The following CWC27 variants were observed in gnomAD, a reference collection of about 807,000 sequenced individuals.
The protein encoded by CWC27 is CWC27 spliceosome associated cyclophilin.
In CWC27, 47 loss-of-function variants were observed where a neutral mutation model predicts 63.6. The ratio of observed to expected loss-of-function variants is 0.74; its 90% CI spans 0.58 to 0.94. The LOEUF (loss-of-function observed/expected upper bound fraction) is 0.94, where lower values mean the gene tolerates loss of function less well. CWC27 is among the 40% of genes least tolerant of loss of function. The pLI, the probability that CWC27 is intolerant of heterozygous loss-of-function variation, is 0.00. For missense variants in CWC27, 495 were observed against 554.3 expected (o/e 0.89, Z 1.07); for synonymous variants, 175 against 179.8 (o/e 0.97, Z 0.22).
At chr5:64,843,123 G>A (rs903214053) in intron 10 of CWC27, among the ~76,000 whole-genome samples, 1 of 152,166 alleles carries the variant, frequency 6.6e-6, no homozygotes, top group Admixed American at 6.5e-5. Context: ...AAAAGCCTCA[G>A]TCCACTGGTT....
intron 10 of CWC27, among the ~76,000 whole-genome samples, chr5:64,818,763 C>T (rs1745115143): frequency 6.6e-6 from 1 of 152,050 alleles, no homozygotes; most frequent in Admixed American, 6.6e-5. Flanking sequence ...GGAGAATAGC[C>T]CAGAAATCAA....
At chr5:64,945,146 A>G (rs1260189265) in intron 11 of CWC27, among the ~76,000 whole-genome samples, 1 of 151,996 alleles carries the variant, frequency 6.6e-6, no homozygotes, top group Non-Finnish European at 1.5e-5. Flanking sequence ...CCTCTCAGGT[A>G]TTTTCCCAAA....
intron 3 of CWC27, 106 bp downstream of exon 3, chr5:64,782,139 A>T (rs2011079): frequency 1.7e-6 from 1 of 586,268 alleles, no homozygotes; most frequent in Non-Finnish European, 2.9e-6. Context: ...AGAGGAAAAA[A>T]CGTTTCACAT....
chr5:64,844,916 C>A (rs1187099313), intron 10 of CWC27: 1 of 456,614 alleles, frequency 2.2e-6, no homozygotes, highest in African/African-American at 2.0e-5. Flanking sequence ...TATTTCTCCT[C>A]TCCCAGGAAA....
intron 13 of CWC27, among the ~76,000 whole-genome samples, chr5:65,012,087 C>A (rs1749971040): frequency 6.6e-6 from 1 of 152,128 alleles, no homozygotes; most frequent in African/African-American, 2.4e-5. Context: ...AACCTGGATT[C>A]ATGTCTTTTT....
intron 11 of CWC27, among the ~76,000 whole-genome samples, chr5:64,923,101 G>A (rs1279347804): frequency 6.6e-6 from 1 of 152,170 alleles, no homozygotes; most frequent in Non-Finnish European, 1.5e-5. Context: ...TGCAGCAGGG[G>A]TGCAAATGTA....
intron 10 of CWC27, among the ~76,000 whole-genome samples, chr5:64,883,206 T>C (rs1339676192): frequency 1.3e-5 from 2 of 152,188 alleles, no homozygotes; most frequent in Non-Finnish European, 1.5e-5. Context: ...ACTGCCACCA[T>C]GATCCAATCA....
At chr5:64,997,868 C>T (rs1221047471) in intron 13 of CWC27, among the ~76,000 whole-genome samples, 1 of 152,098 alleles carries the variant, frequency 6.6e-6, no homozygotes, top group Non-Finnish European at 1.5e-5. Context: ...ATTCCTCTCT[C>T]TTAGCCAAGT....
intron 11 of CWC27, among the ~76,000 whole-genome samples, chr5:64,928,954 T>G (rs1001890791): frequency 6.6e-6 from 1 of 151,568 alleles, no homozygotes; most frequent in Non-Finnish European, 1.5e-5. Flanking sequence ...CTTTTCTCAG[T>G]AGGCTTTGTC....
At chr5:64,889,679 A>C (rs1747176289) in intron 11 of CWC27, among the ~76,000 whole-genome samples, 1 of 152,228 alleles carries the variant, frequency 6.6e-6, no homozygotes, top group South Asian at 2.1e-4. Flanking sequence ...TAATCCCAGC[A>C]CTTTGGGATT....
chr5:64,826,076 A>AATAT (rs1554070976), intron 10 of CWC27, among the ~76,000 whole-genome samples: 5 of 148,314 alleles, frequency 3.4e-5, no homozygotes, highest in African/African-American at 1.3e-4. Context: ...CTTTGTAATA[A>AATAT]ATCTATCTAT....
At chr5:64,911,540 C>T (rs1747785960) in intron 11 of CWC27, among the ~76,000 whole-genome samples, 1 of 152,102 alleles carries the variant, frequency 6.6e-6, no homozygotes, top group Non-Finnish European at 1.5e-5. Flanking sequence ...AATTTCAAGG[C>T]TAAGGGCCAG....
chr5:64,772,068 G>A (rs1743276394), intron 1 of CWC27, among the ~76,000 whole-genome samples: 1 of 152,142 alleles, frequency 6.6e-6, no homozygotes, highest in Admixed American at 6.5e-5. Flanking sequence ...TTTAGATTAG[G>A]AAATTAAGTG....
chr5:64,875,918 G>A (rs1422687846), intron 10 of CWC27, among the ~76,000 whole-genome samples: 1 of 152,040 alleles, frequency 6.6e-6, no homozygotes, highest in Admixed American at 6.5e-5. Context: ...CAAGTACTAT[G>A]CTAAGTATGC....
chr5:64,984,208 T>C (rs182643357), intron 13 of CWC27, among the ~76,000 whole-genome samples: 1 of 152,206 alleles, frequency 6.6e-6, no homozygotes, highest in African/African-American at 2.4e-5. Context: ...TTCTAAGTGC[T>C]TCACATGCAC....
At chr5:64,874,480 T>A (rs557376188) in intron 10 of CWC27, among the ~76,000 whole-genome samples, 1 of 151,876 alleles carries the variant, frequency 6.6e-6, no homozygotes, top group African/African-American at 2.4e-5. Context: ...TTTTTTTGTT[T>A]GTTTTTTAGA....
At chr5:64,849,721 A>G (rs1190307152) in intron 10 of CWC27, among the ~76,000 whole-genome samples, 2 of 152,044 alleles carry the variant, frequency 1.3e-5, no homozygotes, top group Admixed American at 6.6e-5. Context: ...TGATAGGATC[A>G]TGGGGGAGGT....
chr5:64,815,692 A>T (rs550420361), intron 10 of CWC27, among the ~76,000 whole-genome samples: 11 of 152,162 alleles, frequency 7.2e-5, no homozygotes, highest in African/African-American at 1.4e-4. Context: ...CTGAATTTTT[A>T]AAAAAACTAT....
At chr5:64,953,298 C>T (rs1480667679) in intron 11 of CWC27, among the ~76,000 whole-genome samples, 1 of 151,990 alleles carries the variant, frequency 6.6e-6, no homozygotes, top group African/African-American at 2.4e-5. Flanking sequence ...TCACTACATA[C>T]CTTGAAGGCC....
Sources: gnomAD v4.1 joint callset for allele counts (sites outside exome capture counted in the v4.1 genomes callset) on GRCh38, gnomAD v4.1.1 for gene constraint, MANE v1.5 for transcripts, NCBI Gene and HGNC (gene_info 2026-07-23, HGNC 2026-07-21) for gene names.